Variants in RESP18 observed in about 807,000 individuals in gnomAD.
RESP18 encodes regulated endocrine specific protein 18.
In RESP18, 30 loss-of-function variants were observed where a neutral mutation model predicts 30.0. The ratio of observed to expected loss-of-function variants is 1.00; its 90% confidence interval spans 0.75 to 1.36. The LOEUF is 1.36. Ranked by LOEUF, RESP18 falls within the 40% of genes most tolerant of loss-of-function variation. The pLI is 0.00. For synonymous variants in RESP18, 117 were observed against 111.2 expected (o/e 1.05, Z -0.33); for missense variants, 320 against 284.2 (o/e 1.13, Z -0.91).
chr2:219,331,771 G>A (rs1384753872), intron 2 of RESP18, among the ~76,000 whole-genome samples: 1 of 152,204 alleles, frequency 6.6e-6, no homozygotes, highest in Non-Finnish European at 1.5e-5. Context: ...GAGAGGTGGG[G>A]AGGCCAGCGT....
At chr2:219,330,328 G>A (rs908647021) in intron 3 of RESP18, among the ~76,000 whole-genome samples, 3 of 152,198 alleles carry the variant, frequency 2.0e-5, no homozygotes, top group Admixed American at 6.5e-5. Context: ...TCTGCTGTGA[G>A]ACAGGGTCAG....
At position 219,329,007 on chromosome 2, in the gene RESP18, A is replaced by G; in HGVS notation, c.557T>C (p.Ile186Thr). The G allele has an allele frequency of 6.5e-7, 1 of 1,548,680 alleles. No individual in the cohort carries two copies. The highest frequency in any genetic ancestry group is 1.4e-5 in the African/African-American group (1 of 73,070). Residue 186 changes from isoleucine (I) to threonine (T), a missense_variant and splice_region_variant, in exon 6 of 7, where the codon ATT (isoleucine) becomes ACT (threonine). Transcript: ENST00000333527. ...CCCCCCATATGAACACCTATAGGTA[A>G]TCTGAGAGATACAGGAAATTAGAAG... is the stretch of plus-strand genomic sequence containing the variant.
chr2:219,332,793 G>A (rs1952846674), intron 1 of RESP18, 49 bp from the exon 1 acceptor site: 2 of 1,390,872 alleles, frequency 1.4e-6, no homozygotes, highest in Admixed American at 2.3e-5. Flanking sequence ...TGCCCCTGCG[G>A]TCGCCTCCCC....
intron 2 of RESP18, among the ~76,000 whole-genome samples, chr2:219,331,681 C>G (rs1952832525): frequency 6.6e-6 from 1 of 152,162 alleles, no homozygotes; most frequent in Non-Finnish European, 1.5e-5. Context: ...AGGCAGCGTT[C>G]CCAGGACTGG....
At position 219,330,769 on chromosome 2, in the gene RESP18, A is replaced by G. The variant is rs1265517614; in HGVS notation, c.337+2T>C. ...AACCTCTGTTCTCCAGCTTTTACTT[A>G]CCTTGGGGTATAATCTGCTGGAGCA... On this transcript the variant is annotated splice_donor_variant, in intron 3 of 6. Coordinates refer to ENST00000333527, the MANE Select transcript of RESP18 (RefSeq NM_001007089.4). LOFTEE classifies it high-confidence loss of function. The G allele has an allele frequency of 6.5e-7, 1 of 1,542,320 alleles. No individual in the cohort carries two copies. The highest frequency in any genetic ancestry group is 2.4e-5 in the East Asian group (1 of 40,870).
chr2:219,331,602 G>A (rs1952831712), intron 2 of RESP18, among the ~76,000 whole-genome samples: 1 of 152,206 alleles, frequency 6.6e-6, no homozygotes, highest in Non-Finnish European at 1.5e-5. Flanking sequence ...GCCTCCTTAA[G>A]GAAGTAGTGG....
chr2:219,333,082 C>G, intron 1 of RESP18: 1 of 1,198,652 alleles, frequency 8.3e-7, no homozygotes. Flanking sequence ...CTTTAGAAAT[C>G]ATATAGGTTC....
chr2:219,332,212 T>C (rs1952838719), intron 2 of RESP18, among the ~76,000 whole-genome samples: 1 of 152,210 alleles, frequency 6.6e-6, no homozygotes, highest in South Asian at 2.1e-4. Context: ...TCAACTCTTT[T>C]TCTGGCCTTT....
At chr2:219,328,542 G>A (rs920364073) in intron 6 of RESP18, among the ~76,000 whole-genome samples, 3 of 152,208 alleles carry the variant, frequency 2.0e-5, no homozygotes, top group Admixed American at 6.5e-5. Context: ...TATGCAGGGG[G>A]AAAGAGCTGG....
rs2385404 is a variant in RESP18 at position 219,332,666 on chromosome 2, C to T, written c.90G>A (p.Glu30=). 6.4e-7 allele frequency: 1 copy of T among 1,551,038 alleles called. No homozygotes were observed. Among genetic ancestry groups the T allele is most frequent in the East Asian group, 2.4e-5 (1 of 40,922 alleles). The change falls in exon 2 of 7, where the codon GAG becomes GAA. Residue 30 remains glutamate, a synonymous_variant. Transcript: ENST00000333527. ...CGGCGCGCTCACTCCCCGGCCAAGT[C>T]TCAGTGAAGGTAGCGGCCACGGCCG...
intron 6 of RESP18, 109 bp from the exon 6 acceptor site, chr2:219,327,672 C>T: frequency 1.1e-6 from 1 of 933,598 alleles, no homozygotes; most frequent in South Asian, 1.4e-5. Context: ...TTTGAGTAAC[C>T]CTTCAGCATG....
At chr2:219,328,621 T>C (rs1952797203) in intron 6 of RESP18, among the ~76,000 whole-genome samples, 1 of 152,186 alleles carries the variant, frequency 6.6e-6, no homozygotes, top group Non-Finnish European at 1.5e-5. Context: ...GTATGTCCCA[T>C]GGCCTGGGCC....
At chr2:219,327,730 G>A (rs1423410489) in intron 6 of RESP18, among the ~76,000 whole-genome samples, 167 bp from the exon 6 acceptor site, 1 of 152,172 alleles carries the variant, frequency 6.6e-6, no homozygotes, top group East Asian at 1.9e-4. Flanking sequence ...CTCACATGTA[G>A]CCCTGTCTCT....
In RESP18 at chr2:219,333,160, CTCCACA is replaced by C. The variant is rs1374887386; in HGVS notation, c.12_17del (p.Asp4_Val5del). 6.5e-7 allele frequency: 1 copy of C among 1,536,964 alleles called. No homozygotes were observed. The highest frequency in any genetic ancestry group is 8.8e-7 in the Non-Finnish European group (1 of 1,140,518). ...ATATATGGCACATCCATCCACTTTA[CTCCACA>C]TCCACTGCCATCGCCTTGGTCCAAA... On this transcript the variant is annotated inframe_deletion and splice_region_variant, in exon 1 of 7. Coordinates refer to ENST00000333527, the MANE Select transcript of RESP18 (RefSeq NM_001007089.4).
chr2:219,328,178 C>T (rs1952792643), intron 6 of RESP18, among the ~76,000 whole-genome samples: 1 of 152,212 alleles, frequency 6.6e-6, no homozygotes, highest in South Asian at 2.1e-4. Context: ...TTGTGACATT[C>T]CTTTCCTTAA....
At chr2:219,329,807 C>T (rs1217443551) in intron 3 of RESP18, 43 bp from the exon 3 acceptor site, 1 of 1,534,668 alleles carries the variant, frequency 6.5e-7, no homozygotes, top group Middle Eastern at 1.7e-4. Context: ...ACCTGAGACA[C>T]TCGGATCCAC....
At chr2:219,330,307 A>G (rs893572572) in intron 3 of RESP18, among the ~76,000 whole-genome samples, 1 of 150,280 alleles carries the variant, frequency 6.7e-6, no homozygotes, top group Non-Finnish European at 1.5e-5. Flanking sequence ...CCTCCCCAAC[A>G]TTCATGAAAC....
chr2:219,329,340 A>T (rs1024709036), intron 4 of RESP18, 88 bp from the exon 4 acceptor site: 41 of 1,551,658 alleles, frequency 2.6e-5, no homozygotes, highest in Non-Finnish European at 3.2e-5. Context: ...AAAGTCAGGG[A>T]TTCACAATTC....
chr2:219,328,485 T>C (rs72957435), intron 6 of RESP18, among the ~76,000 whole-genome samples: 1,627 of 152,114 alleles, frequency 0.011, 22 homozygotes, highest in South Asian at 0.03. Context: ...GTCTGATGTT[T>C]GGAATGGCCA....
Sources: gnomAD v4.1 joint callset for allele counts (sites outside exome capture counted in the v4.1 genomes callset) on GRCh38, gnomAD v4.1.1 for gene constraint, MANE v1.5 for transcripts, NCBI Gene and HGNC (gene_info 2026-07-23, HGNC 2026-07-21) for gene names.